The following COL4A1 variants were observed in gnomAD, a reference collection of about 807,000 sequenced individuals.
The protein encoded by COL4A1 is collagen alpha-1(IV) chain.
A neutral mutation model predicts 216.6 loss-of-function variants in COL4A1; 40 were observed. The observed-to-expected ratio is 0.18, with a 90% CI of 0.14 to 0.24. The LOEUF is 0.24. COL4A1 is among the 10% of genes least tolerant of loss of function. The pLI, the probability that COL4A1 is intolerant of heterozygous loss-of-function variation, is 1.00. For missense variants in COL4A1, 1,628 were observed against 2,196.8 expected (o/e 0.74, Z 5.18); for synonymous variants, 839 against 810.7 (o/e 1.03, Z -0.59).
At chr13:110,193,832 G>C (rs927309244) in intron 22 of COL4A1, among the ~76,000 whole-genome samples, 3 of 152,204 alleles carry the variant, frequency 2.0e-5, no homozygotes, top group Admixed American at 6.5e-5. Flanking sequence ...CAGTGGAAGG[G>C]GCACGGTACA....
At chr13:110,244,007 T>C (rs947480760) in intron 1 of COL4A1, among the ~76,000 whole-genome samples, 1 of 152,202 alleles carries the variant, frequency 6.6e-6, no homozygotes, top group African/African-American at 2.4e-5. Context: ...GTGGACAGAA[T>C]GTAAAGAGGT....
rs573325691 is a variant in COL4A1 at position 110,191,051 on chromosome 13, G to A, written c.1536+1163C>T. ...CTTCCTTCAAAGTTCTTCTGTCTTTGATCCCCACTACAGTCAGGGCTACCC... is the reference window on the plus strand; with the variant it reads ...CTTCCTTCAAAGTTCTTCTGTCTTTAATCCCCACTACAGTCAGGGCTACCC... On this transcript the variant is annotated intron_variant, in intron 24 of 51. Coordinates refer to ENST00000375820, the MANE Select transcript of COL4A1 (RefSeq NM_001845.6). 2.6e-5 allele frequency: 4 copies of A among 152,284 alleles called. No homozygotes were observed. In the East Asian group the frequency reaches 7.7e-4, roughly 29 times the overall value. 9.4% of individuals were successfully genotyped at this position (152,284 alleles called of 1,614,324 possible). A position where few individuals can be genotyped will look rare whatever the true frequency, so the allele number is the denominator to read the frequency against.
chr13:110,199,512 C>T (rs570680377), intron 20 of COL4A1, among the ~76,000 whole-genome samples: 2 of 152,330 alleles, frequency 1.3e-5, no homozygotes, highest in African/African-American at 4.8e-5. Context: ...CCACAAAATA[C>T]TGTGTGCCCT....
At chr13:110,157,740 A>G (rs1876853301) in intron 49 of COL4A1, among the ~76,000 whole-genome samples, 1 of 152,210 alleles carries the variant, frequency 6.6e-6, no homozygotes, top group African/African-American at 2.4e-5. Flanking sequence ...TTAGACTCTA[A>G]GGTTTAGCAC....
chr13:110,194,998 T>C, intron 22 of COL4A1, 25 bp downstream of exon 22: 1 of 1,603,998 alleles, frequency 6.2e-7, no homozygotes. Context: ...ACAACCACCA[T>C]TTTAAAAAAA....
At chr13:110,225,870 A>G (rs921625189) in intron 2 of COL4A1, among the ~76,000 whole-genome samples, 2 of 152,210 alleles carry the variant, frequency 1.3e-5, no homozygotes, top group East Asian at 3.9e-4. Flanking sequence ...CAGCTTTGCC[A>G]TCATCTGTAA....
chr13:110,251,680 C>G (rs1276431238), intron 1 of COL4A1, among the ~76,000 whole-genome samples: 1 of 152,222 alleles, frequency 6.6e-6, no homozygotes, highest in Non-Finnish European at 1.5e-5. Flanking sequence ...GGGCTGTTCA[C>G]CTAGGAAGAA....
intron 23 of COL4A1, 128 bp downstream of exon 23, chr13:110,192,702 C>A (rs1878693466): frequency 1.2e-5 from 9 of 724,082 alleles, no homozygotes; most frequent in Non-Finnish European, 2.1e-5. Flanking sequence ...GCCCAACATT[C>A]TTCTGATTAT....
Position 110,207,567 on chromosome 13 carries a change from A to T in COL4A1, c.694-78T>A. ...ATGAAAAATTGCAGAGAGAGGTAAA[A>T]GCCTAAAATAAAACACCTATTTTTA... On this transcript the variant is annotated intron_variant, in intron 12 of 51. Transcript: ENST00000375820. The surrounding 1 kb of genome is among the most constrained non-coding windows in gnomAD (Gnocchi z 4.4). 1.7e-6 allele frequency: 2 copies of T among 1,166,254 alleles called. No homozygotes were observed. Among genetic ancestry groups the T allele is most frequent in the East Asian group, 2.3e-5 (1 of 42,790 alleles). 72.2% of individuals were successfully genotyped at this position (1,166,254 alleles called of 1,614,324 possible). A position where few individuals can be genotyped will look rare whatever the true frequency, so the allele number is the denominator to read the frequency against.
intron 20 of COL4A1, among the ~76,000 whole-genome samples, chr13:110,200,009 A>G (rs1378485724): frequency 6.6e-6 from 1 of 152,178 alleles, no homozygotes; most frequent in Non-Finnish European, 1.5e-5. Context: ...ATAAAGGAAA[A>G]AAGGGGGCTC....
chr13:110,262,081 C>T (rs762999067), intron 1 of COL4A1, among the ~76,000 whole-genome samples: 4 of 152,312 alleles, frequency 2.6e-5, no homozygotes, highest in Non-Finnish European at 5.9e-5. Context: ...GTGGTTTCTT[C>T]AACGCCACAT....
chr13:110,303,547 A>G (rs950674769), intron 1 of COL4A1, among the ~76,000 whole-genome samples: 1 of 152,228 alleles, frequency 6.6e-6, no homozygotes, highest in African/African-American at 2.4e-5. Flanking sequence ...AGGCAGAATG[A>G]CCATGTCTTC....
At chr13:110,298,928 G>C (rs921606388) in intron 1 of COL4A1, 1 of 152,426 alleles carries the variant, frequency 6.6e-6, no homozygotes, top group African/African-American at 2.4e-5. Flanking sequence ...TCTGCTCCAG[G>C]CACCGCTGTG....
chr13:110,228,093 A>G (rs1390333253), intron 2 of COL4A1, among the ~76,000 whole-genome samples: 1 of 152,198 alleles, frequency 6.6e-6, no homozygotes, highest in Non-Finnish European at 1.5e-5. Context: ...CGCGCCTTAC[A>G]GGACTCAGGA....
At chr13:110,255,138 G>A (rs367885316) in intron 1 of COL4A1, among the ~76,000 whole-genome samples, 1 of 152,242 alleles carries the variant, frequency 6.6e-6, no homozygotes, top group Non-Finnish European at 1.5e-5. Context: ...CCTGCACAGG[G>A]CTGCCTGAAG....
chr13:110,219,285 T>C (rs1880256705), intron 2 of COL4A1, among the ~76,000 whole-genome samples: 1 of 152,176 alleles, frequency 6.6e-6, no homozygotes, highest in Non-Finnish European at 1.5e-5. Context: ...ACAACTGAAC[T>C]CTTAAAAGGA....
chr13:110,248,427 C>CCACGGCCA (rs1881933247), intron 1 of COL4A1, among the ~76,000 whole-genome samples: 1 of 152,226 alleles, frequency 6.6e-6, no homozygotes, highest in Admixed American at 6.5e-5. Context: ...GGGATAAGCC[C>CCACGGCCA]CACGGCCACA....
chr13:110,253,369 ACATATAATTATATGTATTACAT>A (rs1189582755), intron 1 of COL4A1, among the ~76,000 whole-genome samples: 9,439 of 26,814 alleles, frequency 0.35, 1,679 homozygotes, highest in Middle Eastern at 0.58. Context: ...TATTACATAT[ACATATAATTATATGTATTACAT>A]ATACATATAA....
intron 49 of COL4A1, chr13:110,160,953 CTCGCCTCGGCT>C: frequency 1.9e-6 from 1 of 530,774 alleles, no homozygotes; most frequent in Non-Finnish European, 3.4e-6. Flanking sequence ...AAGCAACCCT[CTCGCCTCGGCT>C]TCCCAAAGTG....
Sources: gnomAD v4.1 joint callset for allele counts (sites outside exome capture counted in the v4.1 genomes callset) on GRCh38, gnomAD v4.1.1 for gene constraint, Gnocchi (gnomAD v3.1) non-coding constraint, MANE v1.5 for transcripts, NCBI Gene and HGNC (gene_info 2026-07-23, HGNC 2026-07-21) for gene names.